Variants in HMBOX1 observed in about 807,000 individuals in gnomAD.
HMBOX1 encodes the protein homeobox-containing protein 1.
In HMBOX1, 14 loss-of-function variants were observed where a neutral mutation model predicts 54.5. That is an observed-to-expected ratio of 0.26 (90% CI 0.17 to 0.40). HMBOX1 has a LOEUF of 0.40. HMBOX1 is among the 10% of genes least tolerant of loss of function. The probability of loss-of-function intolerance (pLI) is 1.00; values close to 1 mark genes in which losing one functional copy is unlikely to be tolerated. For missense variants in HMBOX1, 332 were observed against 514.4 expected, an observed-to-expected ratio of 0.65 and a Z score of 3.43; for synonymous variants, 160 against 181.0, an observed-to-expected ratio of 0.88 and a Z score of 0.93.
chr8:28,993,012 G>A (rs1586336384), intron 4 of HMBOX1, among the ~76,000 whole-genome samples: 1 of 149,610 alleles, frequency 6.7e-6, no homozygotes, highest in African/African-American at 2.5e-5. Context: ...TAGCAAATAA[G>A]TATGTCTATT....
chr8:28,892,798 T>A (rs1811290981), intron 1 of HMBOX1, among the ~76,000 whole-genome samples: 2 of 152,206 alleles, frequency 1.3e-5, no homozygotes, highest in South Asian at 4.1e-4. Flanking sequence ...GATTCAAAAC[T>A]AAGCCATTAG....
chr8:29,005,515 T>C (rs1371112759), intron 4 of HMBOX1, among the ~76,000 whole-genome samples: 1 of 152,220 alleles, frequency 6.6e-6, no homozygotes. Context: ...TATTGATACA[T>C]ATCCATTTAC....
intron 1 of HMBOX1, among the ~76,000 whole-genome samples, chr8:28,893,480 CAT>C (rs1170339237): frequency 2.0e-5 from 3 of 152,140 alleles, no homozygotes; most frequent in Admixed American, 6.5e-5. Context: ...TAGTTTACTG[CAT>C]TTAGTGAACA....
At chr8:28,929,761 T>C (rs906927164) in intron 1 of HMBOX1, among the ~76,000 whole-genome samples, 6 of 152,214 alleles carry the variant, frequency 3.9e-5, no homozygotes, top group African/African-American at 1.4e-4. Context: ...AGAAATAAAT[T>C]TGTGAGGCCC....
rs752016935 is a variant in HMBOX1, at chr8:29,018,827, C to G, written c.765C>G (p.Pro255=). The change falls in exon 6 of 10, where the codon CCC becomes CCG. Residue 255 remains proline, a synonymous_variant. Coordinates refer to ENST00000287701, the MANE Select transcript of HMBOX1 (RefSeq NM_001135726.3). ...ACCCTGAATGGAGACAAACGCCTCC[C>G]CCAGTCTCTGCCACATCTGGTACTT... ...IEDPEWRQTP[P]PVSATSGTFR... is the part of the protein sequence containing the mutation. 2.5e-6 allele frequency: 4 copies of G among 1,613,984 alleles called. No homozygotes were observed. The highest frequency in any genetic ancestry group is 1.1e-5 in the South Asian group (1 of 91,092).
chr8:28,971,147 A>G (rs1250726148), intron 3 of HMBOX1, among the ~76,000 whole-genome samples: 3 of 143,022 alleles, frequency 2.1e-5, no homozygotes, highest in Non-Finnish European at 4.5e-5. Flanking sequence ...GCTGGAGTGC[A>G]ATGGCGTGAT....
intron 4 of HMBOX1, among the ~76,000 whole-genome samples, chr8:28,996,951 T>G (rs1831951748): frequency 6.6e-6 from 1 of 152,228 alleles, no homozygotes; most frequent in Admixed American, 6.5e-5. Flanking sequence ...TGATCTTATA[T>G]TCTGCAACCA....
intron 1 of HMBOX1, among the ~76,000 whole-genome samples, chr8:28,936,831 C>A (rs1820486122): frequency 6.8e-6 from 1 of 147,982 alleles, no homozygotes; most frequent in Admixed American, 6.7e-5. Context: ...CCCAAGGCCA[C>A]TTTCAAAGAG....
chr8:28,932,558 G>A (rs763501477), intron 1 of HMBOX1, among the ~76,000 whole-genome samples: 1 of 151,932 alleles, frequency 6.6e-6, no homozygotes, highest in Non-Finnish European at 1.5e-5. Context: ...TATTTCAGTC[G>A]ACTTTAATCT....
intron 6 of HMBOX1, among the ~76,000 whole-genome samples, chr8:29,035,139 G>C (rs2133226868): frequency 6.6e-6 from 1 of 152,176 alleles, no homozygotes; most frequent in Admixed American, 6.5e-5. Context: ...GAAAGAATTT[G>C]GATTGATCCC....
chr8:29,015,443 C>T (rs556851241), intron 5 of HMBOX1, among the ~76,000 whole-genome samples: 4 of 152,280 alleles, frequency 2.6e-5, no homozygotes, highest in Middle Eastern at 3.4e-3. Context: ...CCATGATAAC[C>T]GGTTGGCTCT....
At chr8:29,030,462 G>T (rs1802783260) in intron 6 of HMBOX1, among the ~76,000 whole-genome samples, 1 of 151,972 alleles carries the variant, frequency 6.6e-6, no homozygotes, top group African/African-American at 2.4e-5. Flanking sequence ...CAGGTGATCC[G>T]CCTGCCTTGG....
At chr8:28,960,622 T>TA (rs566753638) in intron 1 of HMBOX1, among the ~76,000 whole-genome samples, 7 of 151,074 alleles carry the variant, frequency 4.6e-5, no homozygotes, top group South Asian at 2.1e-4. Flanking sequence ...GTTTATACTT[T>TA]AAAAAAAAAT....
intron 4 of HMBOX1, among the ~76,000 whole-genome samples, chr8:28,989,610 A>T (rs565571998): frequency 2.6e-5 from 4 of 152,334 alleles, no homozygotes; most frequent in East Asian, 1.9e-4. Context: ...GTAGATTATT[A>T]TAAGTCTTGA....
At chr8:29,034,653 C>T (rs1349608131) in intron 6 of HMBOX1, among the ~76,000 whole-genome samples, 2 of 152,166 alleles carry the variant, frequency 1.3e-5, no homozygotes, top group Non-Finnish European at 2.9e-5. Context: ...GTCAGGAGTT[C>T]AAGACCAGCC....
rs144791681 is a variant in HMBOX1, at chr8:28,926,591, C to A, written c.-58+35913C>A. 1.1e-3 allele frequency among the ~76,000 whole-genome samples: 169 copies of A among 151,944 alleles called. 3 individuals carry two copies. The East Asian group carries it at 0.024, about 21-fold the overall frequency. On this transcript the variant is annotated intron_variant, in intron 1 of 9. Transcript: ENST00000287701. ...TTTTGAGATGGGGTCTTACTCTGTC[C>A]CCCAGGCAAGGGTGCAGTATTGCCC... is the stretch of plus-strand genomic sequence containing the variant.
At chr8:28,923,545 A>G (rs1284704173) in intron 1 of HMBOX1, among the ~76,000 whole-genome samples, 2 of 152,220 alleles carry the variant, frequency 1.3e-5, no homozygotes, top group Non-Finnish European at 2.9e-5. Context: ...TCCCTAAGCA[A>G]TACAGTATAA....
chr8:28,964,868 A>G (rs1826183439), intron 2 of HMBOX1, among the ~76,000 whole-genome samples: 1 of 152,088 alleles, frequency 6.6e-6, no homozygotes, highest in Admixed American at 6.6e-5. Flanking sequence ...TTCCCTCCCC[A>G]CTTTTTAAAA....
At chr8:28,951,619 C>G (rs1283836574) in intron 1 of HMBOX1, among the ~76,000 whole-genome samples, 1 of 152,136 alleles carries the variant, frequency 6.6e-6, no homozygotes, top group African/African-American at 2.4e-5. Context: ...GTGGTTGTAT[C>G]ATACATGTTT....
Sources: allele counts gnomAD v4.1 joint callset (sites outside exome capture counted in the v4.1 genomes callset), GRCh38; gene constraint gnomAD v4.1.1; transcripts MANE v1.5; gene names NCBI Gene and HGNC (gene_info 2026-07-23, HGNC 2026-07-21).